IL1RAPL1: variants seen among roughly 807,000 people sequenced by gnomAD.
The protein encoded by IL1RAPL1 is interleukin-1 receptor accessory protein-like 1.
In IL1RAPL1, 3 loss-of-function variants were observed where a neutral mutation model predicts 48.4. The observed-to-expected ratio is 0.06, with a 90% CI of 0.03 to 0.16. IL1RAPL1 has a LOEUF of 0.16. Ranked by LOEUF, IL1RAPL1 falls within the 10% of genes least tolerant of loss-of-function variation. The pLI is 1.00. For synonymous variants in IL1RAPL1, 185 were observed against 187.7 expected (o/e 0.99, Z 0.12); for missense variants, 349 against 530.6 (o/e 0.66, Z 3.36).
chrX:29,837,296 T>TACACAC (rs1477568334), intron 6 of IL1RAPL1, among the ~76,000 whole-genome samples: 74 of 74,591 alleles, frequency 9.9e-4, no homozygotes, highest in African/African-American at 4.9e-3. Flanking sequence ...TATATATATA[T>TACACAC]ATATACACAC....
At chrX:29,444,079 C>T (rs1028089376) in intron 5 of IL1RAPL1, among the ~76,000 whole-genome samples, 8 of 112,243 alleles carry the variant, frequency 7.1e-5, no homozygotes, top group African/African-American at 1.9e-4. Flanking sequence ...CCGTGGCTCA[C>T]GCCTGTAATC....
At chrX:28,655,668 A>G (rs1394419243) in intron 1 of IL1RAPL1, among the ~76,000 whole-genome samples, 1 of 112,225 alleles carries the variant, frequency 8.9e-6, no homozygotes, top group Non-Finnish European at 1.9e-5. Flanking sequence ...GGCTAACATA[A>G]TATTTGCTTC....
intron 2 of IL1RAPL1, among the ~76,000 whole-genome samples, chrX:29,113,395 T>A (rs1173226192): frequency 1.8e-5 from 2 of 111,668 alleles, no homozygotes; most frequent in African/African-American, 6.5e-5. Context: ...TTCAAGTGTG[T>A]CTCAGCTATT....
At chrX:29,225,938 T>A (rs906844186) in intron 2 of IL1RAPL1, among the ~76,000 whole-genome samples, 1 of 111,468 alleles carries the variant, frequency 9.0e-6, no homozygotes, top group African/African-American at 3.3e-5. Context: ...CTATCTATAG[T>A]CAGAAAGAAG....
chrX:29,702,283 G>C (rs751497196), intron 6 of IL1RAPL1, among the ~76,000 whole-genome samples: 6 of 107,767 alleles, frequency 5.6e-5, no homozygotes, highest in African/African-American at 1.7e-4. Flanking sequence ...CCTAGGAATA[G>C]ACTCTCCAGG....
chrX:28,849,837 G>A (rs953626915), intron 2 of IL1RAPL1, among the ~76,000 whole-genome samples: 96 of 111,859 alleles, frequency 8.6e-4, no homozygotes, highest in East Asian at 1.7e-3. Context: ...GTTTATCTTT[G>A]TCCCTGTCTT....
intron 2 of IL1RAPL1, among the ~76,000 whole-genome samples, chrX:28,829,259 A>C (rs765036642): frequency 4.5e-5 from 5 of 111,531 alleles, no homozygotes; most frequent in Non-Finnish European, 9.4e-5. Flanking sequence ...TAGATTCCTT[A>C]GTATTTTCTG....
chrX:29,044,404 T>A (rs1926911234), intron 2 of IL1RAPL1, among the ~76,000 whole-genome samples: 1 of 111,038 alleles, frequency 9.0e-6, no homozygotes, highest in South Asian at 3.8e-4. Flanking sequence ...CACTCCAGCC[T>A]AGGCAACAGA....
chrX:28,757,661 T>C (rs894742387), intron 1 of IL1RAPL1, among the ~76,000 whole-genome samples: 4 of 111,876 alleles, frequency 3.6e-5, no homozygotes, highest in African/African-American at 1.3e-4. Flanking sequence ...TTGTTTTTTA[T>C]AGTAAGGCAG....
At chrX:29,708,812 T>C (rs748591291) in intron 6 of IL1RAPL1, among the ~76,000 whole-genome samples, 8 of 112,331 alleles carry the variant, frequency 7.1e-5, no homozygotes, top group Non-Finnish European at 1.9e-5. Flanking sequence ...CCAAAATTAC[T>C]GCACTAGTTT....
At chrX:29,686,694 A>ACAG (rs1357972921) in intron 6 of IL1RAPL1, among the ~76,000 whole-genome samples, 3 of 108,941 alleles carry the variant, frequency 2.8e-5, no homozygotes, top group African/African-American at 6.7e-5. Context: ...AGTAGCTGGG[A>ACAG]CTACAGGCGC....
intron 2 of IL1RAPL1, among the ~76,000 whole-genome samples, chrX:28,874,676 T>TTATATA (rs2147310641): frequency 8.9e-6 from 1 of 112,465 alleles, no homozygotes; most frequent in South Asian, 3.7e-4. Flanking sequence ...CATGGTGTTA[T>TTATATA]TATAAGGAAG....
intron 2 of IL1RAPL1, among the ~76,000 whole-genome samples, chrX:28,880,598 T>C (rs1358928243): frequency 8.9e-6 from 1 of 112,273 alleles, no homozygotes; most frequent in Non-Finnish European, 1.9e-5. Flanking sequence ...TTAGTCTCAA[T>C]CATTGTTTGG....
chrX:29,198,276 T>G (rs776811732), intron 2 of IL1RAPL1, among the ~76,000 whole-genome samples: 1 of 109,972 alleles, frequency 9.1e-6, no homozygotes, highest in Admixed American at 9.7e-5. Context: ...GCAAAAAAGA[T>G]TTTAGGTTTT....
At chrX:29,807,621 C>CAAAAAAAAAAAAAAAAAAAAA (rs60391165) in intron 6 of IL1RAPL1, among the ~76,000 whole-genome samples, 1 of 26,034 alleles carries the variant, frequency 3.8e-5, no homozygotes, top group African/African-American at 1.2e-4. Context: ...TCTCTCAAGA[C>CAAAAAAAAAAAAAAAAAAAAA]AAAAAAAAAA....
intron 5 of IL1RAPL1, among the ~76,000 whole-genome samples, chrX:29,449,859 A>G (rs1162985703): frequency 1.9e-5 from 2 of 107,904 alleles, no homozygotes; most frequent in African/African-American, 6.8e-5. Flanking sequence ...CCAGTGTTCT[A>G]TCTATTGAAA....
At chrX:29,238,562 A>G (rs1931351582) in intron 2 of IL1RAPL1, among the ~76,000 whole-genome samples, 1 of 111,145 alleles carries the variant, frequency 9.0e-6, no homozygotes, top group African/African-American at 3.3e-5. Flanking sequence ...TGTTTACTCG[A>G]TTACATCTGA....
chrX:28,876,141 G>A (rs1248828127), intron 2 of IL1RAPL1, among the ~76,000 whole-genome samples: 1 of 111,495 alleles, frequency 9.0e-6, no homozygotes, highest in African/African-American at 3.3e-5. Context: ...AATTAACCCA[G>A]CCTCTGGTAT....
chrX:29,215,292 G>A (rs985258182), intron 2 of IL1RAPL1, among the ~76,000 whole-genome samples: 10 of 108,156 alleles, frequency 9.2e-5, no homozygotes, highest in South Asian at 4.1e-4. Context: ...GCAGTGAGCC[G>A]AGATGGCACC....
Sources: allele counts gnomAD v4.1 joint callset (sites outside exome capture counted in the v4.1 genomes callset), GRCh38; gene constraint gnomAD v4.1.1; transcripts MANE v1.5; gene names NCBI Gene and HGNC (gene_info 2026-07-23, HGNC 2026-07-21).